Variants in SLC35D1 observed in about 807,000 individuals in gnomAD.
The protein encoded by SLC35D1 is solute carrier family 35 member D1, also known as nucleotide sugar transporter SLC35D1.
Under a neutral mutation model 46.7 loss-of-function variants are expected in SLC35D1, and 31 were observed. The ratio of observed to expected loss-of-function variants is 0.66; its 90% CI spans 0.50 to 0.90. The LOEUF (loss-of-function observed/expected upper bound fraction) is 0.90, where lower values mean the gene tolerates loss of function less well. Among genes scored for constraint, SLC35D1 ranks in the 40% least tolerant of loss-of-function variants. The pLI is 0.00. For missense variants in SLC35D1, 397 were observed against 426.2 expected, an observed-to-expected ratio of 0.93 and a Z score of 0.60; for synonymous variants, 195 against 164.6, an observed-to-expected ratio of 1.18 and a Z score of -1.41.
chr1:66,983,389 A>C, the SLC35D1 span, among the ~76,000 whole-genome samples: 1 of 152,208 alleles, frequency 6.6e-6, no homozygotes, highest in African/African-American at 2.4e-5. Context: ...ATTTTCTTCT[A>C]TCAGAATACA....
intron 8 of SLC35D1, among the ~76,000 whole-genome samples, chr1:67,037,586 A>G (rs1401547439): frequency 6.6e-6 from 1 of 152,194 alleles, no homozygotes; most frequent in African/African-American, 2.4e-5. Context: ...CTTAGCACCA[A>G]TTTACAATTT....
chr1:67,042,141 CA>C (rs1645193666), intron 8 of SLC35D1, 94 bp downstream of exon 8: 2 of 1,183,408 alleles, frequency 1.7e-6, no homozygotes, highest in Admixed American at 1.7e-5. Context: ...ACTTAATAAG[CA>C]TATTTCTTTT....
intron 8 of SLC35D1, among the ~76,000 whole-genome samples, chr1:67,027,367 ATT>A (rs1251699998): frequency 6.6e-6 from 1 of 151,884 alleles, no homozygotes; most frequent in Non-Finnish European, 1.5e-5. Context: ...TTTTCATTGC[ATT>A]GATTTCTATT....
intron 11 of SLC35D1, among the ~76,000 whole-genome samples, chr1:67,007,805 T>C (rs1184502215): frequency 1.3e-5 from 2 of 152,162 alleles, no homozygotes; most frequent in Non-Finnish European, 1.5e-5. Flanking sequence ...TATATCTGAC[T>C]TTTTATACAA....
At chr1:66,984,807 C>T in the SLC35D1 span, 1 of 1,613,806 alleles carries the variant, frequency 6.2e-7, no homozygotes, top group African/African-American at 1.3e-5. Flanking sequence ...GAAGGGTAAA[C>T]AGCAATGGAA....
chr1:67,007,821 C>A (rs886895821), intron 11 of SLC35D1, among the ~76,000 whole-genome samples: 1 of 152,104 alleles, frequency 6.6e-6, no homozygotes, highest in African/African-American at 2.4e-5. Context: ...TACAACACTA[C>A]CAAATGATTC....
the SLC35D1 span, chr1:66,976,853 T>A: frequency 1.4e-6 from 1 of 703,882 alleles, no homozygotes; most frequent in Non-Finnish European, 2.1e-6. Context: ...CCGAGAGTGA[T>A]AAAATCTTGC....
At position 67,021,594 on chromosome 1, in the gene SLC35D1, C is replaced by A. The variant is rs773440701; in HGVS notation, c.738G>T (p.Glu246Asp). 1.9e-6 allele frequency: 3 copies of A among 1,613,964 alleles called. No homozygotes were observed. In the African/African-American group the frequency reaches 4.0e-5, roughly 22 times the overall value. ...YFTGDAQKAV[E>D]FEGWADTLFL... ...AGAGGGTGTCAGCCCAGCCTTCAAA[C>A]TCCACAGCCTGCAACACACAAGAAA... The change falls in exon 9 of 12, where the codon GAG (glutamate) becomes GAT (aspartate). Residue 246 changes from glutamate to aspartate, a missense_variant. Coordinates refer to ENST00000235345, the MANE Select transcript of SLC35D1 (RefSeq NM_015139.3).
intron 6 of SLC35D1, 73 bp from the exon 7 acceptor site, chr1:67,047,440 A>C: frequency 8.2e-7 from 1 of 1,217,914 alleles, no homozygotes; most frequent in Non-Finnish European, 1.2e-6. Flanking sequence ...TATAAGCTAA[A>C]ATATTTACAA....
chr1:67,054,045 G>C lies in SLC35D1; in HGVS notation c.-32C>G. 6.2e-7 allele frequency: 1 copy of C among 1,603,254 alleles called. No homozygotes were observed. The highest frequency in any genetic ancestry group is 8.5e-7 in the Non-Finnish European group (1 of 1,174,488). ...CGCAGCAGCGGTGGCCTGGCGGCGG[G>C]GCCTAGCGGCTCGGGGGCCTGCAGC... is the stretch of plus-strand genomic sequence containing the variant. On this transcript the variant is annotated 5_prime_UTR_variant, in exon 1 of 12. Transcript: ENST00000235345.
chr1:66,997,020 AC>A, downstream of SLC35D1, among the ~76,000 whole-genome samples: 1 of 152,274 alleles, frequency 6.6e-6, no homozygotes, highest in East Asian at 1.9e-4. Flanking sequence ...TAAATTTAAG[AC>A]GTAAAATTAT....
chr1:67,030,805 C>T (rs1668003486), intron 8 of SLC35D1, among the ~76,000 whole-genome samples: 1 of 152,140 alleles, frequency 6.6e-6, no homozygotes, highest in Non-Finnish European at 1.5e-5. Flanking sequence ...ATCAGGCTTC[C>T]TGATAATCAA....
intron 10 of SLC35D1, among the ~76,000 whole-genome samples, chr1:67,019,158 A>T (rs1667745471): frequency 6.6e-6 from 1 of 152,226 alleles, no homozygotes; most frequent in South Asian, 2.1e-4. Context: ...AGGTTTACTT[A>T]TTAAAATTAA....
In SLC35D1 at chr1:67,049,943, G is replaced by C. The variant is rs182561554; in HGVS notation, c.465-93C>G. 2.7e-4 allele frequency: 237 copies of C among 881,940 alleles called. 1 individual carries two copies. The highest frequency in any genetic ancestry group is 2.2e-3 in the African/African-American group (134 of 59,930). 54.6% of individuals were successfully genotyped at this position (881,940 alleles called of 1,614,324 possible). A position where few individuals can be genotyped will look rare whatever the true frequency, so the allele number is the denominator to read the frequency against. ...AAAAATGGGATATGCTTTCTCAAAA[G>C]CTATAAACAATCGTATTTTAAACAT... is the stretch of plus-strand genomic sequence containing the variant. On this transcript the variant is annotated intron_variant, in intron 5 of 11. Transcript: ENST00000235345.
intron 4 of SLC35D1, among the ~76,000 whole-genome samples, chr1:67,051,448 A>G (rs143678857): frequency 2.0e-5 from 3 of 152,382 alleles, no homozygotes; most frequent in African/African-American, 7.2e-5. Flanking sequence ...TTAGAGGGAA[A>G]GACAGTGTTA....
At chr1:66,992,145 A>C in the SLC35D1 span, among the ~76,000 whole-genome samples, 2 of 152,190 alleles carry the variant, frequency 1.3e-5, no homozygotes, top group Non-Finnish European at 2.9e-5. Flanking sequence ...ATATGGCCAC[A>C]ATAAAATGTA....
chr1:67,040,861 A>G (rs1668228436), intron 8 of SLC35D1, among the ~76,000 whole-genome samples: 1 of 152,208 alleles, frequency 6.6e-6, no homozygotes, highest in Admixed American at 6.5e-5. Context: ...ATTTGCCTCA[A>G]GATTTAGAAC....
chr1:67,052,894 A>G (rs1203414416), intron 2 of SLC35D1, 37 bp from the exon 3 acceptor site: 2 of 1,613,950 alleles, frequency 1.2e-6, no homozygotes, highest in South Asian at 1.1e-5. Context: ...TGTTCTACAC[A>G]TAAAGACACA....
At chr1:67,053,682 C>T (rs922430974) in intron 1 of SLC35D1, 129 bp downstream of exon 1, 4 of 920,924 alleles carry the variant, frequency 4.3e-6, no homozygotes, top group Non-Finnish European at 5.7e-6. Flanking sequence ...CAGCCGCCCG[C>T]CCTCCCCAGC....
Sources: allele counts gnomAD v4.1 joint callset (sites outside exome capture counted in the v4.1 genomes callset), GRCh38; gene constraint gnomAD v4.1.1; transcripts MANE v1.5; gene names NCBI Gene and HGNC (gene_info 2026-07-23, HGNC 2026-07-21).